The following NME7 variants were observed in gnomAD, a reference collection of about 807,000 sequenced individuals.
The protein encoded by NME7 is NME/NM23 family member 7.
NME7 carries 41 observed loss-of-function variants against 49.1 expected under a neutral mutation model. The observed-to-expected ratio is 0.83, with a 90% CI of 0.65 to 1.08. NME7 has a LOEUF of 1.08. NME7 is among the 50% of genes least tolerant of loss of function. NME7 has a pLI of 0.00. For synonymous variants in NME7, 139 were observed against 150.6 expected (o/e 0.92, Z 0.56); for missense variants, 423 against 463.4 (o/e 0.91, Z 0.80).
chr1:169,245,772 C>T (rs1648289110), intron 7 of NME7, among the ~76,000 whole-genome samples: 1 of 152,006 alleles, frequency 6.6e-6, no homozygotes, highest in Non-Finnish European at 1.5e-5. Context: ...AATCAAAAAA[C>T]TAGAGATTAT....
At chr1:169,209,247 T>C (rs1660752192) in intron 10 of NME7, among the ~76,000 whole-genome samples, 1 of 152,064 alleles carries the variant, frequency 6.6e-6, no homozygotes, top group African/African-American at 2.4e-5. Context: ...AAAGTTAAAA[T>C]AGTTTAAATT....
chr1:169,231,533 T>G (rs1365513937), intron 9 of NME7, among the ~76,000 whole-genome samples: 1 of 152,072 alleles, frequency 6.6e-6, no homozygotes, highest in Non-Finnish European at 1.5e-5. Context: ...ATGCAGAAAA[T>G]AAGCTACAGG....
At chr1:169,143,534 C>T (rs988496412) in intron 11 of NME7, among the ~76,000 whole-genome samples, 2 of 152,164 alleles carry the variant, frequency 1.3e-5, no homozygotes, top group African/African-American at 4.8e-5. Flanking sequence ...AGAATTTATA[C>T]TTGTCCATTT....
chr1:169,324,277 T>C, intron 2 of NME7, 116 bp downstream of exon 2: 1 of 587,034 alleles, frequency 1.7e-6, no homozygotes, highest in Middle Eastern at 2.6e-4. Context: ...TTTCCATATG[T>C]ATATATACAC....
intron 11 of NME7, among the ~76,000 whole-genome samples, chr1:169,135,889 A>T (rs974512172): frequency 3.4e-4 from 51 of 152,090 alleles, no homozygotes; most frequent in Non-Finnish European, 5.4e-4. Flanking sequence ...TTTAGTCACA[A>T]AGGCATCCTA....
chr1:169,346,257 GAAT>G (rs1241918493), intron 1 of NME7, among the ~76,000 whole-genome samples: 1 of 152,026 alleles, frequency 6.6e-6, no homozygotes. Flanking sequence ...CAGCCTATGA[GAAT>G]AATGTCAACC....
intron 1 of NME7, among the ~76,000 whole-genome samples, chr1:169,362,480 G>A (rs1168806218): frequency 1.3e-5 from 2 of 152,124 alleles, no homozygotes; most frequent in Non-Finnish European, 2.9e-5. Flanking sequence ...TCTTAAATGA[G>A]GTGTATGAGA....
At chr1:169,208,341 G>A (rs749580228) in intron 10 of NME7, among the ~76,000 whole-genome samples, 1 of 152,110 alleles carries the variant, frequency 6.6e-6, no homozygotes, top group African/African-American at 2.4e-5. Flanking sequence ...TTGAAAGTCT[G>A]TAAATGTTTG....
chr1:169,179,727 G>A (rs989578754), intron 10 of NME7, among the ~76,000 whole-genome samples: 1 of 152,138 alleles, frequency 6.6e-6, no homozygotes, highest in African/African-American at 2.4e-5. Context: ...ATACCCGCAT[G>A]TTCTCATTTA....
At chr1:169,144,030 G>A (rs1037202186) in intron 11 of NME7, among the ~76,000 whole-genome samples, 3 of 152,016 alleles carry the variant, frequency 2.0e-5, no homozygotes, top group Non-Finnish European at 4.4e-5. Flanking sequence ...TCCTAAATTT[G>A]GCATAAAATA....
At chr1:169,173,525 A>C (rs1659663389) in intron 10 of NME7, among the ~76,000 whole-genome samples, 1 of 152,128 alleles carries the variant, frequency 6.6e-6, no homozygotes, top group Non-Finnish European at 1.5e-5. Flanking sequence ...TGCTCTTAAA[A>C]TCTAGGCTTT....
chr1:169,169,722 G>A (rs186234854), intron 10 of NME7, among the ~76,000 whole-genome samples, 168 bp from the exon 11 acceptor site: 3 of 152,206 alleles, frequency 2.0e-5, no homozygotes, highest in African/African-American at 4.8e-5. Flanking sequence ...CATCTACATC[G>A]GGGAAAAATA....
chr1:169,316,940 A>C (rs1260567882), intron 3 of NME7, among the ~76,000 whole-genome samples: 1 of 152,168 alleles, frequency 6.6e-6, no homozygotes, highest in Non-Finnish European at 1.5e-5. Flanking sequence ...AATAGAAAAA[A>C]AAAACTGAAG....
At chr1:169,172,348 GTGTGTGTATGTGTA>G (rs1659626619) in intron 10 of NME7, among the ~76,000 whole-genome samples, 2 of 63,750 alleles carry the variant, frequency 3.1e-5, no homozygotes, top group Non-Finnish European at 8.1e-5. Flanking sequence ...GTGTGTGTGT[GTGTGTGTATGTGTA>G]TGTGTGTACT....
At chr1:169,253,493 T>A (rs1451389581) in intron 7 of NME7, among the ~76,000 whole-genome samples, 2 of 152,076 alleles carry the variant, frequency 1.3e-5, no homozygotes, top group Admixed American at 6.6e-5. Flanking sequence ...AGATATACAA[T>A]CATGTCGCCT....
rs1219713993 is a variant in NME7 at position 169,275,293 on chromosome 1, C to T, written c.754+12010G>A. 7.0e-5 allele frequency among the ~76,000 whole-genome samples: 9 copies of T among 128,992 alleles called. 1 individual carries two copies. Among genetic ancestry groups the T allele is most frequent in the African/African-American group, 1.8e-4 (7 of 38,406 alleles). The allele number at this position is 128,992 out of a possible 152,430, so 84.6% of individuals were successfully genotyped here. A position where few individuals can be genotyped will look rare whatever the true frequency, so the allele number is the denominator to read the frequency against. ...TGTCTGTTATTGGTGTATAAGAACACGGTGAAACCCCGTCTCTACTAAAAA... is the reference window on the plus strand; with the variant it reads ...TGTCTGTTATTGGTGTATAAGAACATGGTGAAACCCCGTCTCTACTAAAAA... On this transcript the variant is annotated intron_variant, in intron 7 of 11. Transcript: ENST00000367811.
chr1:169,183,338 T>C (rs1454938745), intron 10 of NME7, among the ~76,000 whole-genome samples: 1 of 152,224 alleles, frequency 6.6e-6, no homozygotes, highest in Admixed American at 6.5e-5. Context: ...TTTCATCTTA[T>C]GTTAGACATG....
At chr1:169,190,953 C>CA (rs1337418643) in intron 10 of NME7, among the ~76,000 whole-genome samples, 6 of 112,926 alleles carry the variant, frequency 5.3e-5, no homozygotes, top group Non-Finnish European at 1.2e-4. Context: ...GCTGGGACTA[C>CA]AGGCGCCCGC....
intron 7 of NME7, chr1:169,283,770 G>C (rs928330880): frequency 6.6e-6 from 1 of 152,084 alleles, no homozygotes; most frequent in African/African-American, 2.4e-5. Flanking sequence ...GTTGAATATT[G>C]GCCCCCACTC....
Sources: gnomAD v4.1 joint callset for allele counts (sites outside exome capture counted in the v4.1 genomes callset) on GRCh38, gnomAD v4.1.1 for gene constraint, MANE v1.5 for transcripts, NCBI Gene and HGNC (gene_info 2026-07-23, HGNC 2026-07-21) for gene names.